CCSER1: variants seen among roughly 807,000 people sequenced by gnomAD.
CCSER1 encodes serine-rich coiled-coil domain-containing protein 1.
A neutral mutation model predicts 82.0 loss-of-function variants in CCSER1; 41 were observed. The ratio of observed to expected loss-of-function variants is 0.50; its 90% confidence interval spans 0.39 to 0.65. CCSER1 has a LOEUF of 0.65. CCSER1 is among the 30% of genes least tolerant of loss of function. CCSER1 has a pLI of 0.00. For synonymous variants in CCSER1, 414 were observed against 383.9 expected (o/e 1.08, Z -0.92); for missense variants, 1,119 against 1,064.2 (o/e 1.05, Z -0.72).
At chr4:90,705,081 G>GT (rs1739050627) in intron 6 of CCSER1, among the ~76,000 whole-genome samples, 1 of 152,140 alleles carries the variant, frequency 6.6e-6, no homozygotes, top group Non-Finnish European at 1.5e-5. Context: ...TTTTTGCTCT[G>GT]TTTTTTCCCC....
At chr4:90,344,735 C>T (rs1162581480) in intron 3 of CCSER1, among the ~76,000 whole-genome samples, 1 of 151,992 alleles carries the variant, frequency 6.6e-6, no homozygotes, top group Non-Finnish European at 1.5e-5. Flanking sequence ...TCCATCTGCC[C>T]TCATGCCAGG....
chr4:90,729,802 G>T (rs1368215664), intron 7 of CCSER1, among the ~76,000 whole-genome samples: 3 of 152,162 alleles, frequency 2.0e-5, no homozygotes, highest in Admixed American at 6.5e-5. Flanking sequence ...CGTGAACCCA[G>T]GAGGTGGAGC....
chr4:91,483,189 T>C (rs780578075), intron 10 of CCSER1, among the ~76,000 whole-genome samples: 7 of 152,020 alleles, frequency 4.6e-5, no homozygotes, highest in Non-Finnish European at 8.8e-5. Context: ...AATAGTGTCA[T>C]ACTCTATCTG....
At chr4:91,456,439 G>C (rs1353379569) in intron 10 of CCSER1, among the ~76,000 whole-genome samples, 9 of 151,982 alleles carry the variant, frequency 5.9e-5, no homozygotes, top group Non-Finnish European at 1.3e-4. Context: ...CATTTCAAAG[G>C]AGAAATGGCT....
chr4:90,397,831 G>T (rs1752229083), intron 3 of CCSER1, among the ~76,000 whole-genome samples: 1 of 152,148 alleles, frequency 6.6e-6, no homozygotes, highest in African/African-American at 2.4e-5. Context: ...TTTTCTAGAA[G>T]TTTACAATGT....
At chr4:90,128,476 A>G (rs1260483383) in intron 1 of CCSER1, among the ~76,000 whole-genome samples, 1 of 149,130 alleles carries the variant, frequency 6.7e-6, no homozygotes, top group Non-Finnish European at 1.5e-5. Flanking sequence ...TGGAGCGTCA[A>G]GGGCCCCAGG....
intron 10 of CCSER1, among the ~76,000 whole-genome samples, chr4:91,218,432 C>T (rs1235998133): frequency 1.3e-5 from 2 of 152,180 alleles, no homozygotes; most frequent in Admixed American, 6.5e-5. Context: ...GCAGTGGGGG[C>T]ACTGAAGGGC....
chr4:90,889,296 G>T (rs1401776597), intron 8 of CCSER1, among the ~76,000 whole-genome samples: 1 of 152,066 alleles, frequency 6.6e-6, no homozygotes, highest in Non-Finnish European at 1.5e-5. Context: ...ATTATCTACT[G>T]GGTGTAAGAA....
intron 7 of CCSER1, among the ~76,000 whole-genome samples, chr4:90,745,960 A>G (rs892444191): frequency 4.0e-5 from 6 of 151,766 alleles, no homozygotes; most frequent in African/African-American, 1.2e-4. Flanking sequence ...TCGGCCTCCC[A>G]AAGTGCTGGG....
intron 10 of CCSER1, among the ~76,000 whole-genome samples, chr4:91,115,299 T>C (rs1281616503): frequency 6.6e-6 from 1 of 152,184 alleles, no homozygotes; most frequent in Non-Finnish European, 1.5e-5. Flanking sequence ...TCCTGTCTTA[T>C]CAGAAAAGAA....
intron 3 of CCSER1, among the ~76,000 whole-genome samples, chr4:90,349,881 T>G (rs537895790): frequency 6.6e-6 from 1 of 151,068 alleles, no homozygotes; most frequent in African/African-American, 2.4e-5. Flanking sequence ...AGTAAAGTGT[T>G]CACAGTTCCA....
At chr4:90,565,640 C>G (rs886419899) in intron 5 of CCSER1, among the ~76,000 whole-genome samples, 3 of 152,034 alleles carry the variant, frequency 2.0e-5, no homozygotes, top group Non-Finnish European at 2.9e-5. Flanking sequence ...GTTAGCTGTG[C>G]GTTTGTCATA....
intron 8 of CCSER1, among the ~76,000 whole-genome samples, chr4:90,894,509 A>G (rs898273755): frequency 6.6e-6 from 1 of 151,942 alleles, no homozygotes; most frequent in Non-Finnish European, 1.5e-5. Flanking sequence ...TTACTCCCCA[A>G]AACAACTTGT....
intron 10 of CCSER1, among the ~76,000 whole-genome samples, chr4:91,571,927 G>A (rs1763204979): frequency 6.6e-6 from 1 of 152,114 alleles, no homozygotes; most frequent in Admixed American, 6.5e-5. Context: ...ACTGCAACTT[G>A]TTGGAGGTAT....
chr4:91,109,940 C>T (rs949341852), intron 10 of CCSER1, among the ~76,000 whole-genome samples: 5 of 151,870 alleles, frequency 3.3e-5, no homozygotes, highest in Admixed American at 6.6e-5. Context: ...ATCTCAAAAC[C>T]AAAGAATGAT....
intron 10 of CCSER1, among the ~76,000 whole-genome samples, chr4:91,196,602 A>G (rs996371097): frequency 6.6e-6 from 1 of 152,218 alleles, no homozygotes; most frequent in Admixed American, 6.5e-5. Flanking sequence ...TGTAAGCTTT[A>G]TAAATTACTA....
intron 5 of CCSER1, among the ~76,000 whole-genome samples, chr4:90,537,734 A>C (rs1488929637): frequency 6.6e-6 from 1 of 152,180 alleles, no homozygotes; most frequent in East Asian, 1.9e-4. Flanking sequence ...TTTATACAAC[A>C]GTGCTAGTTT....
At chr4:91,227,040 T>C (rs1738254464) in intron 10 of CCSER1, among the ~76,000 whole-genome samples, 2 of 151,928 alleles carry the variant, frequency 1.3e-5, no homozygotes, top group Non-Finnish European at 2.9e-5. Context: ...ACTCAAAAGC[T>C]GTTCTCTATC....
intron 10 of CCSER1, among the ~76,000 whole-genome samples, chr4:91,164,171 T>C (rs569766095): frequency 6.6e-6 from 1 of 152,300 alleles, no homozygotes; most frequent in African/African-American, 2.4e-5. Context: ...AAGAATTTTA[T>C]TTCTCCTTCA....
Sources: gnomAD v4.1 joint callset for allele counts (sites outside exome capture counted in the v4.1 genomes callset) on GRCh38, gnomAD v4.1.1 for gene constraint, MANE v1.5 for transcripts, NCBI Gene and HGNC (gene_info 2026-07-23, HGNC 2026-07-21) for gene names.